Variants in SHISA9 observed in about 807,000 individuals in gnomAD.
SHISA9 encodes the protein protein shisa-9.
SHISA9 carries 13 observed loss-of-function variants against 38.0 expected under a neutral mutation model. The observed-to-expected ratio is 0.34, with a 90% CI of 0.22 to 0.54. The LOEUF (loss-of-function observed/expected upper bound fraction) is 0.54, where lower values mean the gene tolerates loss of function less well. SHISA9 is among the 20% of genes least tolerant of loss of function. The pLI is 0.91. For synonymous variants in SHISA9, 275 were observed against 242.0 expected (o/e 1.14, Z -1.27); for missense variants, 538 against 575.8 (o/e 0.93, Z 0.67).
intron 4 of SHISA9, among the ~76,000 whole-genome samples, chr16:13,222,526 T>C (rs1337617552): frequency 6.6e-6 from 1 of 152,176 alleles, no homozygotes; most frequent in Non-Finnish European, 1.5e-5. Context: ...TTTGCTATTA[T>C]TTCACTGGTG....
At chr16:13,306,342 G>A in the SHISA9 span, among the ~76,000 whole-genome samples, 4 of 152,136 alleles carry the variant, frequency 2.6e-5, no homozygotes, top group South Asian at 8.3e-4. Flanking sequence ...AAAGATCACA[G>A]GAAGAAGACT....
the SHISA9 span, among the ~76,000 whole-genome samples, chr16:13,477,161 A>G: frequency 1.3e-5 from 2 of 152,302 alleles, no homozygotes; most frequent in Admixed American, 1.3e-4. Context: ...CTGGAGAAAT[A>G]AAAAATGAGT....
chr16:13,288,004 G>C, the SHISA9 span, among the ~76,000 whole-genome samples: 1 of 152,126 alleles, frequency 6.6e-6, no homozygotes, highest in Non-Finnish European at 1.5e-5. Flanking sequence ...AGGTGACAGT[G>C]AGTTCACTTT....
chr16:13,275,653 G>A, the SHISA9 span, among the ~76,000 whole-genome samples: 10 of 152,014 alleles, frequency 6.6e-5, no homozygotes, highest in African/African-American at 1.9e-4. Context: ...AGAGCTTACC[G>A]TTAGTATGAT....
chr16:13,259,995 T>TTTTCTTTC, the SHISA9 span, among the ~76,000 whole-genome samples: 3 of 142,286 alleles, frequency 2.1e-5, no homozygotes, highest in African/African-American at 7.8e-5. Context: ...TGGATTTTTC[T>TTTTCTTTC]TTTCTTTCTT....
chr16:13,515,071 C>T, the SHISA9 span, among the ~76,000 whole-genome samples: 1 of 152,056 alleles, frequency 6.6e-6, no homozygotes, highest in African/African-American at 2.4e-5. Flanking sequence ...AAAAGTCTGT[C>T]AACCTAGAAT....
At chr16:13,104,003 G>A (rs2073903494) in intron 2 of SHISA9, among the ~76,000 whole-genome samples, 1 of 152,184 alleles carries the variant, frequency 6.6e-6, no homozygotes, top group Non-Finnish European at 1.5e-5. Context: ...ACAGCCATTA[G>A]TTTCTCCATC....
At chr16:13,062,906 C>T (rs961647280) in intron 2 of SHISA9, among the ~76,000 whole-genome samples, 3 of 152,206 alleles carry the variant, frequency 2.0e-5, no homozygotes, top group Non-Finnish European at 2.9e-5. Flanking sequence ...GATCCTGGCT[C>T]CCGAGGGAGA....
the SHISA9 span, among the ~76,000 whole-genome samples, chr16:13,356,686 G>A: frequency 1.8e-4 from 28 of 152,204 alleles, no homozygotes; most frequent in African/African-American, 6.5e-4. Flanking sequence ...ACTCAGCGAC[G>A]CTTGGGGTTG....
chr16:13,008,136 A>G (rs188692758), intron 2 of SHISA9, among the ~76,000 whole-genome samples: 17 of 152,296 alleles, frequency 1.1e-4, no homozygotes, highest in Admixed American at 1.0e-3. Context: ...ACAGGTTAAA[A>G]AATATGTCAA....
At chr16:13,268,464 G>A in the SHISA9 span, among the ~76,000 whole-genome samples, 26 of 152,232 alleles carry the variant, frequency 1.7e-4, no homozygotes, top group Admixed American at 1.2e-3. Context: ...GGCCAAGATC[G>A]TGCCATTGCA....
chr16:13,188,431 G>C (rs141528233), intron 2 of SHISA9, among the ~76,000 whole-genome samples: 26 of 152,180 alleles, frequency 1.7e-4, no homozygotes, highest in Non-Finnish European at 3.1e-4. Flanking sequence ...AGAAAGGTGT[G>C]GGGAGGCTGG....
At chr16:13,547,384 G>A in the SHISA9 span, among the ~76,000 whole-genome samples, 1 of 152,090 alleles carries the variant, frequency 6.6e-6, no homozygotes, top group African/African-American at 2.4e-5. Flanking sequence ...GATTTATCAT[G>A]GGAATTAGCT....
At chr16:13,478,902 T>C in the SHISA9 span, among the ~76,000 whole-genome samples, 2 of 152,196 alleles carry the variant, frequency 1.3e-5, no homozygotes, top group East Asian at 3.9e-4. Context: ...GCATCTGATG[T>C]TTCTGCAGGT....
chr16:13,554,606 C>G, the SHISA9 span, among the ~76,000 whole-genome samples: 1,072 of 150,606 alleles, frequency 7.1e-3, 18 homozygotes, highest in African/African-American at 0.025. Flanking sequence ...ATTCTCCTGT[C>G]TCAGCCTCCC....
the SHISA9 span, among the ~76,000 whole-genome samples, chr16:13,388,229 G>T: frequency 6.6e-6 from 1 of 152,024 alleles, no homozygotes; most frequent in Admixed American, 6.6e-5. Flanking sequence ...CTATAGAAAC[G>T]TGAATGGGAA....
the SHISA9 span, among the ~76,000 whole-genome samples, chr16:13,560,260 C>G: frequency 6.6e-6 from 1 of 152,150 alleles, no homozygotes; most frequent in Admixed American, 6.5e-5. Flanking sequence ...GTCCAGCACT[C>G]CCACCTGGAG....
At chr16:13,441,875 C>T in the SHISA9 span, among the ~76,000 whole-genome samples, 3 of 152,192 alleles carry the variant, frequency 2.0e-5, no homozygotes, top group Non-Finnish European at 4.4e-5. Flanking sequence ...GGGCCGTAGC[C>T]ATATAATTCC....
chr16:13,111,376 C>T (rs75917250), intron 2 of SHISA9, among the ~76,000 whole-genome samples: 264 of 148,294 alleles, frequency 1.8e-3, no homozygotes, highest in African/African-American at 6.4e-3. Flanking sequence ...AACAAAAAAA[C>T]AGCTTCCCTT....
Sources: gnomAD v4.1 joint callset for allele counts (sites outside exome capture counted in the v4.1 genomes callset) on GRCh38, gnomAD v4.1.1 for gene constraint, MANE v1.5 for transcripts, NCBI Gene and HGNC (gene_info 2026-07-23, HGNC 2026-07-21) for gene names.